The following TBXAS1 variants were observed in gnomAD, a reference collection of about 807,000 sequenced individuals.
The protein encoded by TBXAS1 is thromboxane A synthase 1, also known as thromboxane-A synthase.
Under a neutral mutation model 60.7 loss-of-function variants are expected in TBXAS1, and 48 were observed. The observed-to-expected ratio is 0.79, with a 90% CI of 0.63 to 1.01. TBXAS1 has a LOEUF of 1.01. Ranked by LOEUF, TBXAS1 falls within the 50% of genes least tolerant of loss-of-function variation. The pLI is 0.00. For missense variants in TBXAS1, 685 were observed against 686.3 expected, an observed-to-expected ratio of 1.00 and a Z score of 0.02; for synonymous variants, 287 against 269.7, an observed-to-expected ratio of 1.06 and a Z score of -0.63.
At chr7:139,808,284 G>C (rs557186582) in intron 4 of TBXAS1, among the ~76,000 whole-genome samples, 91 of 152,206 alleles carry the variant, frequency 6.0e-4, no homozygotes, top group African/African-American at 2.1e-3. Flanking sequence ...ATTGTGGTGA[G>C]CTGAGATCAC....
At chr7:139,875,707 G>C in intron 3 of TBXAS1, 70 bp downstream of exon 3, 1 of 1,544,296 alleles carries the variant, frequency 6.5e-7, no homozygotes. Flanking sequence ...TGATTTTCAC[G>C]TGTTGAACTG....
intron 2 of TBXAS1, among the ~76,000 whole-genome samples, chr7:139,873,440 C>T (rs1258978045): frequency 5.9e-5 from 9 of 152,156 alleles, no homozygotes; most frequent in South Asian, 2.1e-4. Flanking sequence ...GGTGAAGCCA[C>T]GATGGCTCGG....
chr7:139,915,351 AT>A (rs2117071464), intron 4 of TBXAS1, among the ~76,000 whole-genome samples: 1 of 152,342 alleles, frequency 6.6e-6, no homozygotes, highest in Non-Finnish European at 1.5e-5. Flanking sequence ...CTAATAGGCC[AT>A]GTTTACTTAA....
chr7:139,923,938 T>A (rs1287414637), intron 4 of TBXAS1, among the ~76,000 whole-genome samples: 1 of 152,202 alleles, frequency 6.6e-6, no homozygotes, highest in Admixed American at 6.5e-5. Flanking sequence ...CAAAATGACC[T>A]CCAGCTCTAT....
chr7:139,930,843 T>A (rs773315478), intron 4 of TBXAS1, among the ~76,000 whole-genome samples: 2 of 152,034 alleles, frequency 1.3e-5, no homozygotes, highest in Admixed American at 6.5e-5. Flanking sequence ...GGGGCTGAGA[T>A]AATGGTGACC....
chr7:140,019,607 G>T (rs1815387304), intron 12 of TBXAS1, among the ~76,000 whole-genome samples: 1 of 152,146 alleles, frequency 6.6e-6, no homozygotes, highest in African/African-American at 2.4e-5. Flanking sequence ...TTAGCCACTG[G>T]CTCATCATTT....
chr7:139,786,225 G>C (rs2117233482), intron 3 of TBXAS1, among the ~76,000 whole-genome samples: 1 of 151,768 alleles, frequency 6.6e-6, no homozygotes, highest in East Asian at 1.9e-4. Context: ...TATAGAGTGA[G>C]ATAATAATGT....
intron 9 of TBXAS1, among the ~76,000 whole-genome samples, chr7:139,974,027 C>T (rs1811397204): frequency 6.6e-6 from 1 of 152,148 alleles, no homozygotes; most frequent in Non-Finnish European, 1.5e-5. Flanking sequence ...CTTTAGAAAG[C>T]CACCCAGGCT....
Position 139,904,960 on chromosome 7 carries a change from C to T in TBXAS1, c.237-6265C>T, listed in dbSNP as rs73482133. On this transcript the variant is annotated intron_variant, in intron 3 of 12. Transcript: ENST00000448866. ...TCTTTCTTCCTTCCTTCCTTCATTC[C>T]CTCCCTCCCTACCTTTCTTTCTCTT... Among the ~76,000 whole-genome samples, 419 of 151,808 alleles carry T rather than the reference C, an allele frequency of 2.8e-3. 3 individuals are homozygous for T. Among genetic ancestry groups the T allele is most frequent in the African/African-American group, 9.7e-3 (402 of 41,408 alleles).
chr7:139,800,075 T>A (rs1217883984), intron 4 of TBXAS1, among the ~76,000 whole-genome samples: 1 of 152,216 alleles, frequency 6.6e-6, no homozygotes, highest in Non-Finnish European at 1.5e-5. Context: ...CCTGTAGCTC[T>A]TTTCTCCATG....
rs1800269826 is a variant in TBXAS1 at position 139,852,278 on chromosome 7, A to C, written c.90-19957A>C. Among the ~76,000 whole-genome samples the C allele has an allele frequency of 6.6e-6, 1 of 152,244 alleles. No individual in the cohort carries two copies. The highest frequency in any genetic ancestry group is 2.4e-5 in the African/African-American group (1 of 41,464). On this transcript the variant is annotated intron_variant, in intron 1 of 12. Transcript: ENST00000448866. The surrounding 1 kb of genome is among the most constrained non-coding windows in gnomAD (Gnocchi z 4.4). The stretch of plus-strand genomic sequence containing the variant: ...ATGGCTGGGACCAGGCAGGGTCAGG[A>C]CTGAGGACTCTAATAATGGAAGGGA...
rs77132498 is a variant in TBXAS1 at position 139,782,266 on chromosome 7, G to A, written c.-232-400G>A. On this transcript the variant is annotated intron_variant, in intron 2 of 16. Transcript: ENST00000336425. ...TGCCAAAATACCATTTAACTTCAGG[G>A]TGCATTGAAGAACAATAATAAAGGC... 3.3e-3 allele frequency among the ~76,000 whole-genome samples: 495 copies of A among 151,406 alleles called. 4 individuals carry two copies. The highest frequency in any genetic ancestry group is 0.011 in the African/African-American group (468 of 41,158).
At position 139,798,814 on chromosome 7, in the gene TBXAS1, A is replaced by G. The variant is rs537127239; in HGVS notation, c.-80+11388A>G. Among the ~76,000 whole-genome samples, 3 of 152,322 alleles carry G rather than the reference A, an allele frequency of 2.0e-5. No individual in the cohort carries two copies. In the East Asian group the frequency reaches 5.8e-4, roughly 29 times the overall value. On this transcript the variant is annotated intron_variant, in intron 4 of 16. Transcript: ENST00000336425. Reference sequence around the variant, plus strand: ...TTTTAAGTGTGTATTCTAATTTTTTAGAAGATTCTGATTCCGTGTGTGAAA... The same window carrying G: ...TTTTAAGTGTGTATTCTAATTTTTTGGAAGATTCTGATTCCGTGTGTGAAA...
intron 1 of TBXAS1, among the ~76,000 whole-genome samples, chr7:139,839,701 C>A (rs1304471291): frequency 9.3e-4 from 127 of 136,206 alleles, no homozygotes; most frequent in Middle Eastern, 8.8e-3. Context: ...AAAAACAAAT[C>A]AAAAATTAGC....
chr7:139,817,331 G>A (rs540208766), intron 4 of TBXAS1, among the ~76,000 whole-genome samples: 5 of 152,024 alleles, frequency 3.3e-5, no homozygotes, highest in South Asian at 2.1e-4. Flanking sequence ...GCATGCACAC[G>A]TGCCTGCTCC....
intron 4 of TBXAS1, among the ~76,000 whole-genome samples, chr7:139,798,082 AT>A (rs1359390041): frequency 6.6e-6 from 1 of 151,998 alleles, no homozygotes; most frequent in South Asian, 2.1e-4. Flanking sequence ...TTTTATTTTT[AT>A]TTTTTTTAAC....
At chr7:139,870,797 C>T (rs375280130) in intron 1 of TBXAS1, among the ~76,000 whole-genome samples, 15 of 152,152 alleles carry the variant, frequency 9.9e-5, no homozygotes, top group African/African-American at 3.4e-4. Context: ...CTTTAAAAAT[C>T]GACTCATTTG....
At chr7:140,006,933 T>C (rs961216867) in intron 9 of TBXAS1, among the ~76,000 whole-genome samples, 158 bp from the exon 10 acceptor site, 2 of 152,134 alleles carry the variant, frequency 1.3e-5, no homozygotes, top group Non-Finnish European at 2.9e-5. Flanking sequence ...TGAGCGCCAA[T>C]CAGATGCAAT....
intron 4 of TBXAS1, among the ~76,000 whole-genome samples, chr7:139,794,029 T>C (rs189025323): frequency 6.6e-6 from 1 of 152,122 alleles, no homozygotes; most frequent in African/African-American, 2.4e-5. Flanking sequence ...TTAATGCTTG[T>C]ATGGGTGTGT....
Sources: gnomAD v4.1 joint callset for allele counts (sites outside exome capture counted in the v4.1 genomes callset) on GRCh38, gnomAD v4.1.1 for gene constraint, Gnocchi (gnomAD v3.1) non-coding constraint, MANE v1.5 for transcripts, NCBI Gene and HGNC (gene_info 2026-07-23, HGNC 2026-07-21) for gene names.